The following POGLUT3 variants were observed in gnomAD, a reference collection of about 807,000 sequenced individuals.
The protein encoded by POGLUT3 is protein O-glucosyltransferase 3.
Under a neutral mutation model 54.3 loss-of-function variants are expected in POGLUT3, and 48 were observed. The observed-to-expected ratio is 0.88, with a 90% CI of 0.70 to 1.12. The LOEUF (loss-of-function observed/expected upper bound fraction) is 1.12. POGLUT3 is among the 50% of genes most tolerant of loss of function. The probability of loss-of-function intolerance (pLI) is 0.00; values close to 1 mark genes in which losing one functional copy is unlikely to be tolerated. For missense variants in POGLUT3, 629 were observed against 618.7 expected, an observed-to-expected ratio of 1.02 and a Z score of -0.18; for synonymous variants, 218 against 237.4, an observed-to-expected ratio of 0.92 and a Z score of 0.75.
intron 3 of POGLUT3, 102 bp downstream of exon 3, chr11:108,486,055 C>T: frequency 1.0e-6 from 1 of 957,626 alleles, no homozygotes; most frequent in Non-Finnish European, 1.6e-6. Flanking sequence ...ATGCCCATTT[C>T]TCAGCCTGAA....
chr11:108,481,266 C>T lies in POGLUT3; in HGVS notation c.1012G>A (p.Ala338Thr). ...AAAAAGAAATATCCTGTAATTCCTG[C>T]ATCTAGTAGCTGAGGATTTTCTTTG... ...LSKENPQLLDAGITGYFFFQE... is the reference protein window; with the variant it reads ...LSKENPQLLDTGITGYFFFQE... Residue 338 changes from alanine (A) to threonine (T), a missense_variant, in exon 5 of 8, where the codon GCA becomes ACA. By Grantham distance (58) the Ala-to-Thr change is moderately conservative (BLOSUM62 0). Coordinates refer to ENST00000323468, the MANE Select transcript of POGLUT3 (RefSeq NM_153705.5). 2 of 1,613,294 alleles carry T rather than the reference C, an allele frequency of 1.2e-6. No individual in the cohort carries two copies. Among genetic ancestry groups the T allele is most frequent in the Non-Finnish European group, 1.7e-6 (2 of 1,179,666 alleles).
At chr11:108,477,787 G>C in intron 6 of POGLUT3, 76 bp from the exon 7 acceptor site, 2 of 899,044 alleles carry the variant, frequency 2.2e-6, no homozygotes, top group Non-Finnish European at 3.7e-6. Context: ...GTGTGAGGTG[G>C]GACAGATGTG....
In POGLUT3 at chr11:108,473,719, A is replaced by T. The variant is rs796722291; in HGVS notation, c.*1108T>A. The T allele has an allele frequency of 2.6e-5, 4 of 152,338 alleles. No homozygotes were observed. The highest frequency in any genetic ancestry group is 9.6e-5 in the African/African-American group (4 of 41,578). 9.4% of individuals were successfully genotyped at this position (152,338 alleles called of 1,614,324 possible). A position where few individuals can be genotyped will look rare whatever the true frequency, so the allele number is the denominator to read the frequency against. On this transcript the variant is annotated 3_prime_UTR_variant, in exon 8 of 8. Coordinates refer to ENST00000323468, the MANE Select transcript of POGLUT3 (RefSeq NM_153705.5). ...GAATGCCTTTCACCTGACTACAGTT[A>T]TCTTTCACCTATTCAATATAGAGAT...
chr11:108,475,798 C>T (rs185062610), intron 7 of POGLUT3, among the ~76,000 whole-genome samples: 1 of 152,048 alleles, frequency 6.6e-6, no homozygotes, highest in African/African-American at 2.4e-5. Context: ...TCAATGATTC[C>T]ATGTCCCTTT....
chr11:108,481,622 T>C (rs978417979), intron 4 of POGLUT3, among the ~76,000 whole-genome samples: 5 of 152,228 alleles, frequency 3.3e-5, no homozygotes, highest in Non-Finnish European at 7.3e-5. Flanking sequence ...AAGAATGCTC[T>C]AATTTCATCC....
intron 4 of POGLUT3, among the ~76,000 whole-genome samples, chr11:108,481,748 G>A (rs2093593127): frequency 6.6e-6 from 1 of 152,056 alleles, no homozygotes; most frequent in Non-Finnish European, 1.5e-5. Context: ...TCAGTGACTG[G>A]GTCCACTCAC....
At chr11:108,481,818 T>C (rs538622806) in intron 4 of POGLUT3, among the ~76,000 whole-genome samples, 188 bp downstream of exon 4, 56 of 152,230 alleles carry the variant, frequency 3.7e-4, no homozygotes, top group Non-Finnish European at 7.2e-4. Context: ...TAGCCCTTTG[T>C]TCTTACAAAG....
At chr11:108,474,994 C>G in intron 7 of POGLUT3, 42 bp from the exon 8 acceptor site, 1 of 1,605,860 alleles carries the variant, frequency 6.2e-7, no homozygotes, top group Non-Finnish European at 8.5e-7. Flanking sequence ...TTAGTTCACA[C>G]TGCATTCTGT....
chr11:108,475,454 G>GT lies in POGLUT3; in HGVS notation c.1399-503dup, dbSNP rs1182179068. 5.7e-3 allele frequency among the ~76,000 whole-genome samples: 627 copies of GT among 109,296 alleles called. 48 individuals are homozygous for GT. The highest frequency in any genetic ancestry group is 0.02 in the African/African-American group (558 of 27,562). 71.7% of individuals were successfully genotyped at this position (109,296 alleles called of 152,430 possible). On this transcript the variant is annotated intron_variant, in intron 7 of 7. Transcript: ENST00000323468. Reference sequence around the variant, plus strand: ...TGAGTGAAATATTTCTATAAATGGAGTTTTTTTTGTTTTTGTTTTTTTTTT... The same window carrying GT: ...TGAGTGAAATATTTCTATAAATGGAGTTTTTTTTTGTTTTTGTTTTTTTTTT...
chr11:108,478,506 G>A lies in POGLUT3; in HGVS notation c.1293+795C>T, dbSNP rs182091554. ...TACGCAGTCAACGTCAAAAAGTTGT[G>A]TTATAAAATGGTAGCTATAAAAGAC... On this transcript the variant is annotated intron_variant, in intron 6 of 7. Transcript: ENST00000323468. Among the ~76,000 whole-genome samples, 559 of 152,338 alleles carry A rather than the reference G, an allele frequency of 3.7e-3. 2 individuals carry two copies. The highest frequency in any genetic ancestry group is 5.8e-3 in the Non-Finnish European group (394 of 68,024).
chr11:108,486,170 G>T lies in POGLUT3; in HGVS notation c.671C>A (p.Ser224Ter), dbSNP rs200877677. The change falls in exon 3 of 8, where the codon TCA (serine) becomes TAA (stop). Residue 224 changes from serine to a stop codon, truncating the protein, a stop_gained. Coordinates refer to ENST00000323468, the MANE Select transcript of POGLUT3 (RefSeq NM_153705.5). LOFTEE classifies it high-confidence loss of function. Reference sequence around the variant, plus strand: ...TCATTCTCCTACCTTTCTTGTCAATGATAACAAAATCTCATCAGAGAACAT... The same window carrying T: ...TCATTCTCCTACCTTTCTTGTCAATTATAACAAAATCTCATCAGAGAACAT... Reference protein sequence around the residue: ...FKMFSDEILLSLTRKVLLPDL... With the variant: ...FKMFSDEILL 180 of 1,606,122 alleles carry T rather than the reference G, an allele frequency of 1.1e-4. No homozygotes were observed. Among genetic ancestry groups the T allele is most frequent in the Non-Finnish European group, 1.5e-4 (176 of 1,173,764 alleles).
chr11:108,491,451 C>A (rs1165864872), intron 1 of POGLUT3: 1 of 529,342 alleles, frequency 1.9e-6, no homozygotes, highest in Non-Finnish European at 3.3e-6. Flanking sequence ...ACCTCCTGGG[C>A]TCATGAACCT....
Position 108,486,360 on chromosome 11 carries a change from G to A in POGLUT3, c.481C>T (p.Pro161Ser). Residue 161 changes from proline to serine, a missense_variant, in exon 3 of 8, where the codon CCA becomes TCA. Pro to Ser is a moderately conservative substitution (Grantham distance 74). Coordinates refer to ENST00000323468, the MANE Select transcript of POGLUT3 (RefSeq NM_153705.5). The stretch of plus-strand genomic sequence containing the variant: ...GAAGCAAAATCTTTTGCAATCTGTG[G>A]TTCCTTGGTTGGACAAGAAAGAGTC... The part of the protein sequence containing the change: ...QKTLSCPTKE[P>S]QIAKDFASFP... The A allele has an allele frequency of 6.2e-7, 1 of 1,614,130 alleles. No individual in the cohort carries two copies. Among genetic ancestry groups the A allele is most frequent in the Non-Finnish European group, 8.5e-7 (1 of 1,180,028 alleles).
In POGLUT3 at chr11:108,479,457, A is replaced by G. The variant is rs1310940348; in HGVS notation, c.1137T>C (p.Ala379=). Residue 379 remains alanine (A), a synonymous_variant, in exon 6 of 8, where the codon GCT becomes GCC. Transcript: ENST00000323468. ...CCAGCATGAGATATGGATATCTGTAAGCAGCCACGGTCCCATCCACATTTA... is the reference window on the plus strand; with the variant it reads ...CCAGCATGAGATATGGATATCTGTAGGCAGCCACGGTCCCATCCACATTTA... ...YQVNVDGTVA[A]YRYPYLMLGD... is the part of the protein sequence containing the mutation. The G allele has an allele frequency of 6.2e-7, 1 of 1,610,558 alleles. No homozygotes were observed. The highest frequency in any genetic ancestry group is 1.1e-5 in the South Asian group (1 of 90,114).
At chr11:108,490,043 C>T (rs1349991874) in intron 2 of POGLUT3, among the ~76,000 whole-genome samples, 1 of 152,126 alleles carries the variant, frequency 6.6e-6, no homozygotes, top group Non-Finnish European at 1.5e-5. Flanking sequence ...TGTGCCGCCA[C>T]ACCCAGCTAA....
intron 1 of POGLUT3, among the ~76,000 whole-genome samples, chr11:108,495,222 G>A (rs989401300): frequency 3.9e-5 from 6 of 152,216 alleles, no homozygotes; most frequent in African/African-American, 1.2e-4. Context: ...TTTTGTGTGT[G>A]TGCAGTGGCA....
In POGLUT3 at chr11:108,486,403, A is replaced by AC; in HGVS notation, c.437_438insG (p.Asp146GlufsTer44). 6.2e-7 allele frequency: 1 copy of AC among 1,614,098 alleles called. No homozygotes were observed. The highest frequency in any genetic ancestry group is 8.5e-7 in the Non-Finnish European group (1 of 1,180,018). On this transcript the variant is annotated frameshift_variant, in exon 3 of 8. Transcript: ENST00000323468. LOFTEE classifies it high-confidence loss of function. ...AAAGAGTCTTCTGCCAGGCCTGAGG[A>AC]TCTTCCGGACACTCACAGTACTCAT...
Position 108,482,114 on chromosome 11 carries a change from AG to A in POGLUT3, c.792del (p.Ser265LeufsTer72). 1 of 1,614,120 alleles carries A rather than the reference AG, an allele frequency of 6.2e-7. No homozygotes were observed. The highest frequency in any genetic ancestry group is 8.5e-7 in the Non-Finnish European group (1 of 1,179,978). ...AGGACAACATCTCTTGAATCCAGAG[AG>A]CCACACCATGAAATGATAGGTATGG... ...PSPIPIISWCGSLDSRDVVLP... is the reference protein window; with the variant it reads ...PSPIPIISWCXSLDSRDVVLP... On this transcript the variant is annotated frameshift_variant, in exon 4 of 8. Coordinates refer to ENST00000323468, the MANE Select transcript of POGLUT3 (RefSeq NM_153705.5). LOFTEE classifies it high-confidence loss of function.
Position 108,485,706 on chromosome 11 carries a change from G to A in POGLUT3, c.684+451C>T, listed in dbSNP as rs567123945. On this transcript the variant is annotated intron_variant, in intron 3 of 7. Coordinates refer to ENST00000323468, the MANE Select transcript of POGLUT3 (RefSeq NM_153705.5). ...GGAGTCTCACTCTGTCACCCAGGTT[G>A]GAGTGCAGTGGCGCAATCTTGGCCC... 7.4e-4 allele frequency among the ~76,000 whole-genome samples: 112 copies of A among 151,698 alleles called. 1 individual carries two copies. The highest frequency in any genetic ancestry group is 2.5e-3 in the African/African-American group (104 of 41,316).
Sources: allele counts gnomAD v4.1 joint callset (sites outside exome capture counted in the v4.1 genomes callset), GRCh38; gene constraint gnomAD v4.1.1; transcripts MANE v1.5; gene names NCBI Gene and HGNC (gene_info 2026-07-23, HGNC 2026-07-21).